TREML2: variants seen among roughly 807,000 people sequenced by gnomAD.
TREML2 encodes the protein trem-like transcript 2 protein.
Under a neutral mutation model 25.9 loss-of-function variants are expected in TREML2, and 24 were observed. That is an observed-to-expected ratio of 0.93 (90% CI 0.67 to 1.30). TREML2 has a LOEUF of 1.30. Among genes scored for constraint, TREML2 ranks in the 50% most tolerant of loss-of-function variants. The pLI, the probability that TREML2 is intolerant of heterozygous loss-of-function variation, is 0.00. For synonymous variants in TREML2, 139 were observed against 155.2 expected (o/e 0.90, Z 0.77); for missense variants, 359 against 395.6 (o/e 0.91, Z 0.78).
At chr6:41,199,498 C>G (rs545058265) in intron 1 of TREML2, among the ~76,000 whole-genome samples, 1 of 152,334 alleles carries the variant, frequency 6.6e-6, no homozygotes, top group East Asian at 1.9e-4. Context: ...TATTCACTTT[C>G]CACCTGCAAT....
In TREML2 at chr6:41,190,741, G is replaced by T. The variant is rs1766039504; in HGVS notation, c.*1686C>A. 6.6e-6 allele frequency: 1 copy of T among 152,204 alleles called. No homozygotes were observed. The allele number at this position is 152,204 out of a possible 1,614,324, so 9.4% of individuals were successfully genotyped here. On this transcript the variant is annotated 3_prime_UTR_variant, in exon 5 of 5. Transcript: ENST00000483722. Reference sequence around the variant, plus strand: ...GCTCTTGGGGAGCTATTTTCCCCCAGGTGGGTTAAGTTCTCTCCTAGTATA... The same window carrying T: ...GCTCTTGGGGAGCTATTTTCCCCCATGTGGGTTAAGTTCTCTCCTAGTATA...
intron 2 of TREML2, among the ~76,000 whole-genome samples, chr6:41,197,282 C>A (rs1049387934): frequency 2.0e-5 from 3 of 152,164 alleles, no homozygotes; most frequent in Non-Finnish European, 4.4e-5. Flanking sequence ...GTCATGACAG[C>A]TCTCTGAGCT....
Position 41,191,169 on chromosome 6 carries a change from CTG to C in TREML2, c.*1256_*1257del, listed in dbSNP as rs1179546033. 0.14 allele frequency: 16,541 copies of C among 116,842 alleles called. 835 individuals carry two copies. Among genetic ancestry groups the C allele is most frequent in the East Asian group, 0.3 (1,085 of 3,672 alleles). 7.2% of individuals were successfully genotyped at this position (116,842 alleles called of 1,614,324 possible). A position where few individuals can be genotyped will look rare whatever the true frequency, so the allele number is the denominator to read the frequency against. ...CCAGTCACTCCAGGTCAGTAGACAC[CTG>C]TGTGTGTGTGTGTGTGTGTGTGTGT... On this transcript the variant is annotated 3_prime_UTR_variant, in exon 5 of 5. Coordinates refer to ENST00000483722, the MANE Select transcript of TREML2 (RefSeq NM_024807.4).
At chr6:41,195,724 C>T (rs981012674) in intron 2 of TREML2, among the ~76,000 whole-genome samples, 1 of 152,208 alleles carries the variant, frequency 6.6e-6, no homozygotes, top group Non-Finnish European at 1.5e-5. Context: ...AGAGAATTCA[C>T]ACATCAGTGC....
Position 41,194,574 on chromosome 6 carries a change from G to A in TREML2, c.636C>T (p.Thr212=), listed in dbSNP as rs141822677. The A allele has an allele frequency of 3.2e-4, 514 of 1,614,026 alleles. 1 individual carries two copies. The African/African-American group carries it at 4.2e-3, about 13-fold the overall frequency. The part of the protein sequence containing the change: ...PRRTMGSQTV[T]ASPSNARDSS... ...AGTCCCTGGCATTGCTGGGAGACGCGGTCACTGTCTGGGACCCCATGGTCC... is the reference window on the plus strand; with the variant it reads ...AGTCCCTGGCATTGCTGGGAGACGCAGTCACTGTCTGGGACCCCATGGTCC... Residue 212 remains threonine, a synonymous_variant, in exon 3 of 5, where the codon ACC becomes ACT. Coordinates refer to ENST00000483722, the MANE Select transcript of TREML2 (RefSeq NM_024807.4).
intron 1 of TREML2, among the ~76,000 whole-genome samples, chr6:41,200,125 A>G (rs1176981443): frequency 1.3e-5 from 2 of 152,224 alleles, no homozygotes; most frequent in Non-Finnish European, 2.9e-5. Flanking sequence ...CAGCCACTAG[A>G]GCTGAGGCTC....
In TREML2 at chr6:41,192,880, A is replaced by G; in HGVS notation, c.807T>C (p.Thr269=). The change falls in exon 4 of 5, where the codon ACT becomes ACC. Residue 269 remains threonine, a synonymous_variant. Transcript: ENST00000483722. The part of the protein sequence containing the change: ...PSIRHQDVYS[T]VLGVVLTLLV... ...GGAGGGTCAGCACCACCCCAAGCAC[A>G]GTGGAGTAAACATCCTGGTGCCTGA... The G allele has an allele frequency of 6.3e-7, 1 of 1,585,946 alleles. No homozygotes were observed. Among genetic ancestry groups the G allele is most frequent in the Non-Finnish European group, 8.6e-7 (1 of 1,167,680 alleles).
rs1312566024 is a variant in TREML2, at chr6:41,190,426, A to G, written c.*2001T>C. On this transcript the variant is annotated 3_prime_UTR_variant, in exon 5 of 5. Transcript: ENST00000483722. The stretch of plus-strand genomic sequence containing the variant: ...ACAGAATCCTAAGGTCTTAAATGTA[A>G]TGTTGGAAACAACATTAGAGCTGGA... 6.6e-6 allele frequency: 1 copy of G among 152,246 alleles called. No homozygotes were observed. The highest frequency in any genetic ancestry group is 2.4e-5 in the African/African-American group (1 of 41,468). 9.4% of individuals were successfully genotyped at this position (152,246 alleles called of 1,614,324 possible).
chr6:41,192,735 T>C, intron 4 of TREML2, 66 bp downstream of exon 4: 1 of 1,442,898 alleles, frequency 6.9e-7, no homozygotes, highest in Non-Finnish European at 9.6e-7. Flanking sequence ...GGACTCGAGG[T>C]CATAACCCTT....
intron 2 of TREML2, among the ~76,000 whole-genome samples, chr6:41,196,005 T>C (rs1265029895): frequency 1.3e-5 from 2 of 152,210 alleles, no homozygotes; most frequent in African/African-American, 4.8e-5. Flanking sequence ...AAACCTGGTC[T>C]TCAGGGGGCA....
chr6:41,201,031 T>A lies in TREML2; in HGVS notation c.-23A>T. 1.9e-6 allele frequency: 3 copies of A among 1,611,472 alleles called. No homozygotes were observed. The highest frequency in any genetic ancestry group is 2.5e-6 in the Non-Finnish European group (3 of 1,178,630). On this transcript the variant is annotated 5_prime_UTR_variant, in exon 1 of 5. An upstream open reading frame in the 5' UTR loses its in-frame stop. Transcript: ENST00000483722. ...CATGGTTCCATCCAGCTGGGCAGTG[T>A]CAGGCCTGGAGATCCAAGGTGAGGG...
chr6:41,200,331 G>A (rs928097433), intron 1 of TREML2, among the ~76,000 whole-genome samples: 1 of 152,166 alleles, frequency 6.6e-6, no homozygotes, highest in East Asian at 1.9e-4. Flanking sequence ...GGTCTCCAGG[G>A]CAATGTCTTC....
At chr6:41,193,021 C>T in intron 3 of TREML2, 120 bp from the exon 4 acceptor site, 1 of 740,832 alleles carries the variant, frequency 1.3e-6, no homozygotes. Context: ...TAGACGGCCA[C>T]CCTCTTCCTT....
chr6:41,190,997 CT>C lies in TREML2; in HGVS notation c.*1429del, dbSNP rs1766047400. On this transcript the variant is annotated 3_prime_UTR_variant, in exon 5 of 5. Transcript: ENST00000483722. ...CCCTGCTGTCCCCCAGGATTACTCC[CT>C]GCCTCTTCCACTCTCCCCACATCCA... 2.6e-5 allele frequency: 4 copies of C among 152,528 alleles called. No individual in the cohort carries two copies. The highest frequency in any genetic ancestry group is 2.9e-5 in the Non-Finnish European group (2 of 68,328). The allele number at this position is 152,528 out of a possible 1,614,324, so 9.4% of individuals were successfully genotyped here. A position where few individuals can be genotyped will look rare whatever the true frequency, so the allele number is the denominator to read the frequency against.
rs560704107 is a variant in TREML2 at position 41,194,577 on chromosome 6, C to T, written c.633G>A (p.Val211=). The change falls in exon 3 of 5, where the codon GTG becomes GTA. Residue 211 remains valine, a synonymous_variant. Coordinates refer to ENST00000483722, the MANE Select transcript of TREML2 (RefSeq NM_024807.4). ...CCCTGGCATTGCTGGGAGACGCGGTCACTGTCTGGGACCCCATGGTCCTCC... is the reference window on the plus strand; with the variant it reads ...CCCTGGCATTGCTGGGAGACGCGGTTACTGTCTGGGACCCCATGGTCCTCC... ...GPRRTMGSQT[V]TASPSNARDS... 7.4e-6 allele frequency: 12 copies of T among 1,614,034 alleles called. 1 individual carries two copies. In the South Asian group the frequency reaches 9.9e-5, roughly 13 times the overall value.
At chr6:41,192,753 T>C in intron 4 of TREML2, 48 bp downstream of exon 4, 1 of 1,534,688 alleles carries the variant, frequency 6.5e-7, no homozygotes, top group Non-Finnish European at 9.0e-7. Flanking sequence ...CTTAGTGCAG[T>C]TACCCAGAGC....
intron 1 of TREML2, 30 bp downstream of exon 1, chr6:41,200,924 C>A: frequency 6.6e-7 from 1 of 1,510,470 alleles, no homozygotes; most frequent in African/African-American, 1.4e-5. Flanking sequence ...CCCACTCCCT[C>A]CTCCACAAGT....
intron 2 of TREML2, among the ~76,000 whole-genome samples, chr6:41,197,783 C>T (rs1354847070): frequency 1.3e-5 from 2 of 152,174 alleles, no homozygotes; most frequent in Admixed American, 6.5e-5. Flanking sequence ...GTGCCTGCCC[C>T]ATAATAGGGG....
At chr6:41,199,167 G>T (rs948905870) in intron 1 of TREML2, among the ~76,000 whole-genome samples, 1 of 152,178 alleles carries the variant, frequency 6.6e-6, no homozygotes, top group Admixed American at 6.5e-5. Context: ...CGGCATCCCA[G>T]GGAATTCTTG....
Sources: allele counts gnomAD v4.1 joint callset (sites outside exome capture counted in the v4.1 genomes callset), GRCh38; gene constraint gnomAD v4.1.1; transcripts MANE v1.5; gene names NCBI Gene and HGNC (gene_info 2026-07-23, HGNC 2026-07-21).